Variants in MSN observed in about 807,000 individuals in gnomAD.
The protein encoded by MSN is epididymis luminal protein 70.
In MSN, 2 loss-of-function variants were observed where a neutral mutation model predicts 48.0. The observed-to-expected ratio is 0.04, with a 90% CI of 0.02 to 0.13. MSN has a LOEUF of 0.13. MSN is among the 10% of genes least tolerant of loss of function. The probability of loss-of-function intolerance (pLI) is 1.00; values close to 1 mark genes in which losing one functional copy is unlikely to be tolerated. For missense variants in MSN, 267 were observed against 470.1 expected, an observed-to-expected ratio of 0.57 and a Z score of 3.99; for synonymous variants, 146 against 166.9, an observed-to-expected ratio of 0.87 and a Z score of 0.97.
intron 1 of MSN, 30 bp from the exon 2 acceptor site, chrX:65,716,788 A>G: frequency 8.5e-7 from 1 of 1,180,459 alleles, no homozygotes; most frequent in Non-Finnish European, 1.2e-6. Context: ...GAGCCAGATG[A>G]CTAACCTGCT....
chrX:65,720,907 C>G (rs906245947), intron 2 of MSN, among the ~76,000 whole-genome samples: 1 of 112,041 alleles, frequency 8.9e-6, no homozygotes, highest in Non-Finnish European at 1.9e-5. Context: ...TGTGAGTGTG[C>G]TACAGCTAGA....
At chrX:65,632,619 G>A (rs539697071) in intron 1 of MSN, among the ~76,000 whole-genome samples, 1 of 111,841 alleles carries the variant, frequency 8.9e-6, no homozygotes, top group South Asian at 3.7e-4. Flanking sequence ...CACATCGTTG[G>A]TGTTGTCGCT....
At chrX:65,734,586 A>G (rs2071656119) in intron 7 of MSN, among the ~76,000 whole-genome samples, 1 of 111,841 alleles carries the variant, frequency 8.9e-6, no homozygotes. Flanking sequence ...TGGTATTTGT[A>G]GTAACAAACT....
intron 1 of MSN, among the ~76,000 whole-genome samples, chrX:65,704,450 T>G (rs1346892846): frequency 9.0e-6 from 1 of 111,570 alleles, no homozygotes; most frequent in East Asian, 2.8e-4. Context: ...CCCAACCAGT[T>G]GCTATTCAAG....
upstream of MSN, chrX:65,667,534 C>CT (rs1191853799): frequency 2.1e-5 from 14 of 677,862 alleles, no homozygotes; most frequent in Non-Finnish European, 1.8e-6. Flanking sequence ...CTGGCTGCGC[C>CT]GGGCCTGGCC....
At chrX:65,700,681 TAGC>T (rs748106026) in intron 1 of MSN, among the ~76,000 whole-genome samples, 3 of 112,013 alleles carry the variant, frequency 2.7e-5, no homozygotes, top group Admixed American at 1.9e-4. Context: ...AGCTAGAAAA[TAGC>T]AGTTGGTTCC....
intron 1 of MSN, among the ~76,000 whole-genome samples, chrX:65,604,302 A>G (rs778289379): frequency 8.9e-6 from 1 of 111,988 alleles, no homozygotes; most frequent in Non-Finnish European, 1.9e-5. Context: ...TGCACGTGGG[A>G]TGTCCAGAGG....
At chrX:65,645,461 C>T (rs928147407) in intron 1 of MSN, among the ~76,000 whole-genome samples, 1 of 92,264 alleles carries the variant, frequency 1.1e-5, no homozygotes, top group African/African-American at 4.1e-5. Flanking sequence ...CAAAGCATTG[C>T]GGGGGCACAG....
At chrX:65,709,982 A>C (rs1422263785) in intron 1 of MSN, among the ~76,000 whole-genome samples, 2 of 111,425 alleles carry the variant, frequency 1.8e-5, no homozygotes. Flanking sequence ...AATGCCCTCC[A>C]CTTATCTTCC....
At chrX:65,696,542 T>C (rs2071242497) in intron 1 of MSN, among the ~76,000 whole-genome samples, 1 of 111,005 alleles carries the variant, frequency 9.0e-6, no homozygotes, top group Admixed American at 9.6e-5. Flanking sequence ...CTGAAAAAAC[T>C]AGACCAAACA....
chrX:65,694,169 A>G (rs1332308225), intron 1 of MSN, among the ~76,000 whole-genome samples: 1 of 111,165 alleles, frequency 9.0e-6, no homozygotes. Flanking sequence ...TATATCTAGG[A>G]GAGTACCTGG....
At chrX:65,711,493 G>A (rs976484288) in intron 1 of MSN, among the ~76,000 whole-genome samples, 3 of 112,457 alleles carry the variant, frequency 2.7e-5, no homozygotes, top group Non-Finnish European at 5.6e-5. Context: ...ACCATACCCG[G>A]CCCCTAACAT....
rs2070888346 is a variant in MSN, at chrX:65,667,749, G to A, written c.-93G>A. ...AGTGAGGGACCCAATCTGAGTCCCC[G>A]GCCAGCCGAATCCAAGCCGTGTGTA... On this transcript the variant is annotated 5_prime_UTR_variant, in exon 1 of 13. Coordinates refer to ENST00000360270, the MANE Select transcript of MSN (RefSeq NM_002444.3). 11 of 1,179,890 alleles carry A rather than the reference G, an allele frequency of 9.3e-6. No individual in the cohort carries two copies. In the South Asian group the frequency reaches 2.1e-4, roughly 22 times the overall value.
chrX:65,612,640 C>T (rs2070330229), intron 1 of MSN, among the ~76,000 whole-genome samples: 1 of 108,782 alleles, frequency 9.2e-6, no homozygotes, highest in Non-Finnish European at 1.9e-5. Context: ...AGCTCACTGC[C>T]ACCTCCTCCT....
At chrX:65,622,572 A>T (rs144977286) in intron 1 of MSN, among the ~76,000 whole-genome samples, 1,008 of 91,648 alleles carry the variant, frequency 0.011, 13 homozygotes, top group African/African-American at 0.041. Flanking sequence ...GCTGGAGTGC[A>T]GTGGCATGAT....
intron 1 of MSN, among the ~76,000 whole-genome samples, chrX:65,688,995 T>C (rs1278546481): frequency 8.9e-6 from 1 of 112,207 alleles, no homozygotes; most frequent in Non-Finnish European, 1.9e-5. Flanking sequence ...TGTTTGTACC[T>C]TGGTGGGAGC....
intron 1 of MSN, among the ~76,000 whole-genome samples, chrX:65,682,743 G>A (rs980824): frequency 8.9e-6 from 1 of 112,280 alleles, no homozygotes; most frequent in African/African-American, 3.2e-5. Context: ...TTATTGAATA[G>A]ATATGTTAAT....
At position 65,739,179 on chromosome X, in the gene MSN, G is replaced by A; in HGVS notation, c.1554G>A (p.Val518=). 1 of 1,209,113 alleles carries A rather than the reference G, an allele frequency of 8.3e-7. No individual in the cohort carries two copies. The change falls in exon 12 of 13, where the codon GTG becomes GTA. Residue 518 remains valine (V), a synonymous_variant. Transcript: ENST00000360270. ...CTGAGGCAGAGAAGAATGAGCGTGT[G>A]CAGAAGCACCTGAAGGTATACAAGT... ...RTTEAEKNER[V]QKHLKALTSE... is the part of the protein sequence containing the mutation.
chrX:65,619,557 A>G (rs1326587820), intron 1 of MSN, among the ~76,000 whole-genome samples: 1 of 99,027 alleles, frequency 1.0e-5, no homozygotes, highest in Non-Finnish European at 1.9e-5. Flanking sequence ...TTTCAGCTCC[A>G]TCAGCTCCTT....
Sources: allele counts gnomAD v4.1 joint callset (sites outside exome capture counted in the v4.1 genomes callset), GRCh38; gene constraint gnomAD v4.1.1; transcripts MANE v1.5; gene names NCBI Gene and HGNC (gene_info 2026-07-23, HGNC 2026-07-21).